Variants in NINJ2 observed in about 807,000 individuals in gnomAD.
The protein encoded by NINJ2 is ninjurin 2.
In NINJ2, 12 loss-of-function variants were observed where a neutral mutation model predicts 11.7. The ratio of observed to expected loss-of-function variants is 1.02; its 90% CI spans 0.66 to 1.66. The LOEUF (loss-of-function observed/expected upper bound fraction) is 1.66, where lower values mean the gene tolerates loss of function less well. Among genes scored for constraint, NINJ2 ranks in the 40% most tolerant of loss-of-function variants. The pLI is 0.00. For missense variants in NINJ2, 187 were observed against 181.8 expected, an observed-to-expected ratio of 1.03 and a Z score of -0.16; for synonymous variants, 93 against 76.8, an observed-to-expected ratio of 1.21 and a Z score of -1.10.
At chr12:625,749 C>A (rs1948204696) in intron 1 of NINJ2, among the ~76,000 whole-genome samples, 1 of 152,096 alleles carries the variant, frequency 6.6e-6, no homozygotes, top group Admixed American at 6.5e-5. Context: ...ATAATTATAT[C>A]CAGATTTGTT....
At chr12:578,786 G>C (rs1486857760) in intron 1 of NINJ2, among the ~76,000 whole-genome samples, 1 of 152,158 alleles carries the variant, frequency 6.6e-6, no homozygotes, top group Non-Finnish European at 1.5e-5. Context: ...TTCCAGAGAG[G>C]AGTGAATGGA....
chr12:586,840 C>A (rs1947645533), intron 1 of NINJ2, among the ~76,000 whole-genome samples: 1 of 152,194 alleles, frequency 6.6e-6, no homozygotes, highest in Admixed American at 6.5e-5. Context: ...CTGCAGTGAC[C>A]TTCACCTTCG....
At chr12:645,783 T>G (rs1244848178) in intron 1 of NINJ2, 1 of 152,236 alleles carries the variant, frequency 6.6e-6, no homozygotes, top group Non-Finnish European at 1.5e-5. Flanking sequence ...TCCATTTACC[T>G]TCTTCTCCAA....
At chr12:567,772 A>G (rs887596898) in intron 1 of NINJ2, among the ~76,000 whole-genome samples, 3 of 152,184 alleles carry the variant, frequency 2.0e-5, no homozygotes, top group African/African-American at 7.2e-5. Flanking sequence ...TTGAGAGGCC[A>G]AGGCAGGGGG....
At position 565,778 on chromosome 12, in the gene NINJ2, C is replaced by T. The variant is rs190397632; in HGVS notation, c.262+172G>A. The T allele has an allele frequency of 1.4e-3, 960 of 695,414 alleles. 4 individuals carry two copies. Among genetic ancestry groups the T allele is most frequent in the Non-Finnish European group, 2.0e-3 (789 of 386,708 alleles). The allele number at this position is 695,414 out of a possible 1,614,324, so 43.1% of individuals were successfully genotyped here. A position where few individuals can be genotyped will look rare whatever the true frequency, so the allele number is the denominator to read the frequency against. On this transcript the variant is annotated intron_variant, in intron 2 of 3. Coordinates refer to ENST00000305108, the MANE Select transcript of NINJ2 (RefSeq NM_016533.6). Reference sequence around the variant, plus strand: ...GGAGACAGGACAGGGCGCCTGCCCTCGCGGGGTGGAAGTTGGTCTTTGGGC... The same window carrying T: ...GGAGACAGGACAGGGCGCCTGCCCTTGCGGGGTGGAAGTTGGTCTTTGGGC...
At chr12:632,812 CT>C (rs1948298904) in intron 1 of NINJ2, among the ~76,000 whole-genome samples, 1 of 152,124 alleles carries the variant, frequency 6.6e-6, no homozygotes, top group Non-Finnish European at 1.5e-5. Context: ...AAAACTTGAC[CT>C]TTTGTAAAAA....
chr12:603,494 C>A (rs1030550656), intron 1 of NINJ2, among the ~76,000 whole-genome samples: 1 of 152,032 alleles, frequency 6.6e-6, no homozygotes, highest in African/African-American at 2.4e-5. Context: ...TCCTGCATGA[C>A]GGTTTACTTA....
intron 1 of NINJ2, 151 bp from the exon 2 acceptor site, chr12:566,329 T>C: frequency 1.5e-6 from 1 of 648,674 alleles, no homozygotes; most frequent in Non-Finnish European, 2.7e-6. Flanking sequence ...CCTGATAAAA[T>C]GAAGGGTTGG....
chr12:660,981 A>G (rs1259675257), intron 1 of NINJ2, among the ~76,000 whole-genome samples: 1 of 152,156 alleles, frequency 6.6e-6, no homozygotes, highest in Non-Finnish European at 1.5e-5. Flanking sequence ...GTAAAAATAA[A>G]CATTATAATA....
At chr12:642,324 G>A (rs1239900780) in intron 1 of NINJ2, among the ~76,000 whole-genome samples, 2 of 152,188 alleles carry the variant, frequency 1.3e-5, no homozygotes, top group African/African-American at 4.8e-5. Context: ...TCCGCCTCCC[G>A]AGTTCAAGCG....
At position 565,278 on chromosome 12, in the gene NINJ2, T is replaced by C. The variant is rs1565615603; in HGVS notation, c.386A>G (p.Lys129Arg). The part of the protein sequence containing the change: ...NVFITAFGAH[K>R]TGFLAARASR... ...GGCCCTGGCAGCCAGGAACCCTGTT[T>C]TATGTGCCCCGAAGGCTGTAATGAA... Residue 129 changes from lysine (K) to arginine (R), a missense_variant, in exon 3 of 4, where the codon AAA becomes AGA. Physicochemically the swap from Lys to Arg is conservative, Grantham distance 26. Coordinates refer to ENST00000305108, the MANE Select transcript of NINJ2 (RefSeq NM_016533.6). 1.2e-6 allele frequency: 2 copies of C among 1,614,140 alleles called. No individual in the cohort carries two copies. The highest frequency in any genetic ancestry group is 1.7e-6 in the Non-Finnish European group (2 of 1,180,000).
intron 1 of NINJ2, among the ~76,000 whole-genome samples, chr12:653,018 CTTTTT>C (rs377056940): frequency 1.0e-5 from 1 of 96,198 alleles, no homozygotes; most frequent in African/African-American, 4.0e-5. Flanking sequence ...TATTTTGTTT[CTTTTT>C]TTTTTTTTTT....
chr12:645,971 T>A (rs1409630656), intron 1 of NINJ2: 2 of 152,224 alleles, frequency 1.3e-5, no homozygotes, highest in Non-Finnish European at 2.9e-5. Flanking sequence ...GGAAGCTGAC[T>A]TCTTATGGGA....
At chr12:594,384 T>C (rs1259546327) in intron 1 of NINJ2, among the ~76,000 whole-genome samples, 1 of 152,202 alleles carries the variant, frequency 6.6e-6, no homozygotes, top group Non-Finnish European at 1.5e-5. Context: ...ATGTACTCCA[T>C]AAATATGTAC....
intron 1 of NINJ2, chr12:641,007 G>C (rs538148133): frequency 2.0e-5 from 3 of 152,306 alleles, no homozygotes; most frequent in East Asian, 3.9e-4. Flanking sequence ...TGCCTTGCCT[G>C]TGTCTAGAGT....
chr12:636,362 G>A (rs530306610), intron 1 of NINJ2, among the ~76,000 whole-genome samples: 115 of 149,456 alleles, frequency 7.7e-4, no homozygotes, highest in African/African-American at 2.6e-3. Flanking sequence ...GGCAACAAGA[G>A]CAAAACTCCA....
At chr12:573,287 A>AAAG (rs1425004960) in intron 1 of NINJ2, among the ~76,000 whole-genome samples, 1 of 151,908 alleles carries the variant, frequency 6.6e-6, no homozygotes, top group Non-Finnish European at 1.5e-5. Context: ...TCAGCCTCCC[A>AAAG]AAGTACTGGG....
rs560292229 is a variant in NINJ2 at position 639,748 on chromosome 12, C to T, written c.33+23580G>A. 7.9e-5 allele frequency among the ~76,000 whole-genome samples: 12 copies of T among 152,294 alleles called. No individual in the cohort carries two copies. The South Asian group carries it at 2.3e-3, about 29-fold the overall frequency. On this transcript the variant is annotated intron_variant, in intron 1 of 3. Transcript: ENST00000305108. ...CTCCCCAGCAAGTGCCTCCTGAGGACGGGTTCCAGCCCCAACCCTAGATCA... is the reference window on the plus strand; with the variant it reads ...CTCCCCAGCAAGTGCCTCCTGAGGATGGGTTCCAGCCCCAACCCTAGATCA...
intron 1 of NINJ2, among the ~76,000 whole-genome samples, chr12:592,700 C>T (rs1393334689): frequency 6.6e-6 from 1 of 151,904 alleles, no homozygotes; most frequent in African/African-American, 2.4e-5. Context: ...AACTCCATCT[C>T]AAAATTTAAA....
Sources: allele counts gnomAD v4.1 joint callset (sites outside exome capture counted in the v4.1 genomes callset), GRCh38; gene constraint gnomAD v4.1.1; transcripts MANE v1.5; gene names NCBI Gene and HGNC (gene_info 2026-07-23, HGNC 2026-07-21).